ADARB2: variants seen among roughly 807,000 people sequenced by gnomAD.
ADARB2 encodes inactive double-stranded RNA-specific editase B2.
ADARB2 carries 25 observed loss-of-function variants against 62.2 expected under a neutral mutation model. The ratio of observed to expected loss-of-function variants is 0.40; its 90% CI spans 0.29 to 0.56. The LOEUF (loss-of-function observed/expected upper bound fraction) is 0.56, where lower values mean the gene tolerates loss of function less well. Among genes scored for constraint, ADARB2 ranks in the 20% least tolerant of loss-of-function variants. The probability of loss-of-function intolerance (pLI) is 0.43; values close to 1 mark genes in which losing one functional copy is unlikely to be tolerated. For missense variants in ADARB2, 1,071 were observed against 1,077.4 expected (o/e 0.99, Z 0.08); for synonymous variants, 572 against 500.8 (o/e 1.14, Z -1.90).
At chr10:1,676,561 A>G (rs2119112471) in intron 1 of ADARB2, among the ~76,000 whole-genome samples, 1 of 152,248 alleles carries the variant, frequency 6.6e-6, no homozygotes, top group South Asian at 2.1e-4. Flanking sequence ...GGATCTTGCA[A>G]TATTCTCCAG....
chr10:1,283,187 TTC>T (rs1188523572), intron 3 of ADARB2, among the ~76,000 whole-genome samples: 1 of 152,218 alleles, frequency 6.6e-6, no homozygotes, highest in African/African-American at 2.4e-5. Context: ...ATGCTTGTCT[TTC>T]TTTCTCCTGT....
chr10:1,262,286 G>GAA, intron 4 of ADARB2, among the ~76,000 whole-genome samples: 1 of 36,588 alleles, frequency 2.7e-5, no homozygotes, highest in Non-Finnish European at 5.3e-5. Context: ...AAAACTTAAA[G>GAA]TATAATAATA....
In ADARB2 at chr10:1,549,745, A is replaced by T. The variant is rs547411266; in HGVS notation, c.101-170585T>A. Among the ~76,000 whole-genome samples the T allele has an allele frequency of 5.9e-5, 9 of 152,214 alleles. No homozygotes were observed. In the South Asian group the frequency reaches 1.9e-3, roughly 32 times the overall value. On this transcript the variant is annotated intron_variant, in intron 1 of 9. Coordinates refer to ENST00000381312, the MANE Select transcript of ADARB2 (RefSeq NM_018702.4). ...AAAACCGATGCCCTGGAAAGGCAGG[A>T]GATATCACAGGGTGCCCAGCGGGAC...
chr10:1,609,537 T>G (rs1387091350), intron 1 of ADARB2, among the ~76,000 whole-genome samples: 1 of 152,260 alleles, frequency 6.6e-6, no homozygotes, highest in Non-Finnish European at 1.5e-5. Flanking sequence ...TCTTCCCTTA[T>G]GAGAAACCTT....
chr10:1,243,533 T>C (rs1439460303), intron 4 of ADARB2, among the ~76,000 whole-genome samples: 1 of 152,240 alleles, frequency 6.6e-6, no homozygotes, highest in East Asian at 1.9e-4. Flanking sequence ...TTTTCTCCCC[T>C]GAGAACTTAG....
intron 1 of ADARB2, among the ~76,000 whole-genome samples, chr10:1,628,768 T>C (rs1833804019): frequency 6.6e-6 from 1 of 152,246 alleles, no homozygotes; most frequent in African/African-American, 2.4e-5. Flanking sequence ...GGTGTGTCTT[T>C]CTCTTCTGGA....
chr10:1,710,526 T>C (rs532128082), intron 1 of ADARB2, among the ~76,000 whole-genome samples: 1 of 152,348 alleles, frequency 6.6e-6, no homozygotes, highest in Admixed American at 6.5e-5. Context: ...AGCCTGCACT[T>C]GGGTGCTGGG....
At chr10:1,244,556 T>A (rs1830964995) in intron 4 of ADARB2, among the ~76,000 whole-genome samples, 1 of 152,184 alleles carries the variant, frequency 6.6e-6, no homozygotes, top group African/African-American at 2.4e-5. Flanking sequence ...CACAATTACG[T>A]GGCCCAAGAA....
chr10:1,216,149 C>G (rs986768379), intron 7 of ADARB2: 1 of 149,876 alleles, frequency 6.7e-6, no homozygotes, highest in Non-Finnish European at 1.5e-5. Flanking sequence ...GGGCATCAGA[C>G]TAACCTGGGG....
At chr10:1,719,213 C>T (rs1171345868) in intron 1 of ADARB2, among the ~76,000 whole-genome samples, 1 of 152,186 alleles carries the variant, frequency 6.6e-6, no homozygotes, top group East Asian at 1.9e-4. Flanking sequence ...ATTGGCTCAC[C>T]TCAGCCTCCC....
intron 3 of ADARB2, among the ~76,000 whole-genome samples, chr10:1,342,658 G>A (rs1832041468): frequency 6.6e-6 from 1 of 152,204 alleles, no homozygotes; most frequent in African/African-American, 2.4e-5. Flanking sequence ...GAGGACATCA[G>A]CAGCACTCTG....
intron 1 of ADARB2, among the ~76,000 whole-genome samples, chr10:1,679,792 C>T (rs1834511988): frequency 6.6e-6 from 1 of 152,182 alleles, no homozygotes. Flanking sequence ...CGCTTGGGCT[C>T]AACACGGAAA....
intron 4 of ADARB2, among the ~76,000 whole-genome samples, chr10:1,264,887 G>A (rs11250371): frequency 0.024 from 3,663 of 152,214 alleles, 137 homozygotes; most frequent in African/African-American, 0.079. Context: ...TAGTTTAAAT[G>A]GGAAAGAATA....
At chr10:1,271,885 G>A (rs1198923430) in intron 3 of ADARB2, among the ~76,000 whole-genome samples, 1 of 152,228 alleles carries the variant, frequency 6.6e-6, no homozygotes, top group Non-Finnish European at 1.5e-5. Context: ...AGGGAAGCCT[G>A]GTTGGACCCT....
intron 1 of ADARB2, among the ~76,000 whole-genome samples, chr10:1,665,944 G>A (rs1834311262): frequency 6.6e-6 from 1 of 152,172 alleles, no homozygotes; most frequent in South Asian, 2.1e-4. Flanking sequence ...GCACAGCAAC[G>A]AAGCACTCCA....
At chr10:1,264,493 T>G (rs539762227) in intron 4 of ADARB2, among the ~76,000 whole-genome samples, 3 of 152,294 alleles carry the variant, frequency 2.0e-5, no homozygotes, top group Non-Finnish European at 2.9e-5. Context: ...AAAGTGCAAA[T>G]GGGAAAATCA....
intron 1 of ADARB2, among the ~76,000 whole-genome samples, chr10:1,626,542 T>A (rs1003401636): frequency 1.3e-5 from 2 of 152,202 alleles, no homozygotes; most frequent in African/African-American, 4.8e-5. Context: ...CCCGTGGCTG[T>A]GAACTCCCCT....
At chr10:1,366,351 C>G (rs1437547571) in intron 2 of ADARB2, among the ~76,000 whole-genome samples, 1 of 152,230 alleles carries the variant, frequency 6.6e-6, no homozygotes, top group Admixed American at 6.5e-5. Context: ...GGAATCTCAG[C>G]CATGGATGGC....
chr10:1,677,435 A>G (rs1167445151), intron 1 of ADARB2, among the ~76,000 whole-genome samples: 2 of 152,118 alleles, frequency 1.3e-5, no homozygotes, highest in Admixed American at 6.5e-5. Flanking sequence ...GGCGGAGGTG[A>G]ACATCTGCCC....
Sources: gnomAD v4.1 joint callset for allele counts (sites outside exome capture counted in the v4.1 genomes callset) on GRCh38, gnomAD v4.1.1 for gene constraint, MANE v1.5 for transcripts, NCBI Gene and HGNC (gene_info 2026-07-23, HGNC 2026-07-21) for gene names.